Variants in SNIP1 observed in about 807,000 individuals in gnomAD.
SNIP1 encodes the protein smad nuclear-interacting protein 1.
A neutral mutation model predicts 37.4 loss-of-function variants in SNIP1; 23 were observed. The ratio of observed to expected loss-of-function variants is 0.61; its 90% CI spans 0.44 to 0.87. SNIP1 has a LOEUF of 0.87. Among genes scored for constraint, SNIP1 ranks in the 40% least tolerant of loss-of-function variants. The pLI is 0.00. For missense variants in SNIP1, 459 were observed against 540.4 expected, an observed-to-expected ratio of 0.85 and a Z score of 1.49; for synonymous variants, 174 against 200.0, an observed-to-expected ratio of 0.87 and a Z score of 1.10.
At chr1:37,543,916 G>C (rs115896843) in intron 2 of SNIP1, among the ~76,000 whole-genome samples, 1 of 151,920 alleles carries the variant, frequency 6.6e-6, no homozygotes, top group East Asian at 1.9e-4. Flanking sequence ...CAAGGGGGGG[G>C]GCAGGTCACT....
In SNIP1 at chr1:37,554,247, G is replaced by A; in HGVS notation, c.-18C>T. The A allele has an allele frequency of 6.3e-7, 1 of 1,581,684 alleles. No individual in the cohort carries two copies. Among genetic ancestry groups the A allele is most frequent in the African/African-American group, 1.3e-5 (1 of 74,534 alleles). On this transcript the variant is annotated 5_prime_UTR_variant, in exon 1 of 4. Transcript: ENST00000296215. ...GCCTTCATTCTGTGATTTTGGCTGG[G>A]CGAAAGAAAACAGATCAGTTGAGCT...
intron 2 of SNIP1, chr1:37,545,306 T>C (rs1349992217): frequency 6.7e-6 from 4 of 598,976 alleles, no homozygotes; most frequent in South Asian, 1.4e-5. Flanking sequence ...AGCTAAGCCT[T>C]AGGCTAATTT....
At chr1:37,543,734 G>A (rs1478035633) in intron 2 of SNIP1, among the ~76,000 whole-genome samples, 2 of 150,762 alleles carry the variant, frequency 1.3e-5, no homozygotes, top group African/African-American at 4.9e-5. Flanking sequence ...ATCTCCAAAG[G>A]GGGGTAAAAA....
At chr1:37,546,145 ACCCCCCC>A (rs34099617) in intron 2 of SNIP1, among the ~76,000 whole-genome samples, 1 of 124,924 alleles carries the variant, frequency 8.0e-6, no homozygotes, top group Non-Finnish European at 1.7e-5. Flanking sequence ...TGGGACTAAG[ACCCCCCC>A]CCCCCCCGCT....
rs1643065784 is a variant in SNIP1, at chr1:37,534,818, G to A, written c.*2930C>T. The A allele has an allele frequency of 6.6e-6, 1 of 152,154 alleles. No homozygotes were observed. Among genetic ancestry groups the A allele is most frequent in the Admixed American group, 6.6e-5 (1 of 15,256 alleles). 9.4% of individuals were successfully genotyped at this position (152,154 alleles called of 1,614,324 possible). Reference sequence around the variant, plus strand: ...GAGGACTTAGGGGAGGGGCTCAGAAGCAAAGGGCTGTTTTGAAAATAGTTT... The same window carrying A: ...GAGGACTTAGGGGAGGGGCTCAGAAACAAAGGGCTGTTTTGAAAATAGTTT... On this transcript the variant is annotated 3_prime_UTR_variant, in exon 4 of 4. Coordinates refer to ENST00000296215, the MANE Select transcript of SNIP1 (RefSeq NM_024700.4).
At chr1:37,539,184 T>G (rs971994733) in intron 3 of SNIP1, among the ~76,000 whole-genome samples, 3 of 152,186 alleles carry the variant, frequency 2.0e-5, no homozygotes, top group Non-Finnish European at 4.4e-5. Flanking sequence ...TATTAGAAAA[T>G]AAAGTGCACA....
rs758295598 is a variant in SNIP1, at chr1:37,534,521, G to C, written c.*3227C>G. On this transcript the variant is annotated 3_prime_UTR_variant, in exon 4 of 4. Coordinates refer to ENST00000296215, the MANE Select transcript of SNIP1 (RefSeq NM_024700.4). ...ACTTGATATAAACTCACATACCCAG[G>C]AACACTGTGGGCTCAGAACATTATT... 2.6e-5 allele frequency: 4 copies of C among 152,132 alleles called. No homozygotes were observed. Among genetic ancestry groups the C allele is most frequent in the Admixed American group, 2.0e-4 (3 of 15,258 alleles). 9.4% of individuals were successfully genotyped at this position (152,132 alleles called of 1,614,324 possible). A position where few individuals can be genotyped will look rare whatever the true frequency, so the allele number is the denominator to read the frequency against.
chr1:37,552,857 C>A, intron 1 of SNIP1, 110 bp from the exon 2 acceptor site: 1 of 852,448 alleles, frequency 1.2e-6, no homozygotes, highest in Middle Eastern at 2.2e-4. Flanking sequence ...TTGTGAAGGT[C>A]TCTGCCGGTC....
chr1:37,545,497 ACTT>A (rs1376659184), intron 2 of SNIP1, among the ~76,000 whole-genome samples: 1 of 151,582 alleles, frequency 6.6e-6, no homozygotes, highest in Non-Finnish European at 1.5e-5. Flanking sequence ...CAAAGAAAAA[ACTT>A]CTTGTTATGG....
At chr1:37,553,287 A>G (rs1643324965) in intron 1 of SNIP1, among the ~76,000 whole-genome samples, 1 of 152,202 alleles carries the variant, frequency 6.6e-6, no homozygotes, top group Non-Finnish European at 1.5e-5. Flanking sequence ...CATTCTTATC[A>G]GTCAGGTCTG....
rs758793060 is a variant in SNIP1, at chr1:37,536,457, T to C, written c.*1291A>G. The C allele has an allele frequency of 2.0e-5, 3 of 152,356 alleles. No individual in the cohort carries two copies. Among genetic ancestry groups the C allele is most frequent in the Non-Finnish European group, 2.9e-5 (2 of 68,030 alleles). The allele number at this position is 152,356 out of a possible 1,614,324, so 9.4% of individuals were successfully genotyped here. A position where few individuals can be genotyped will look rare whatever the true frequency, so the allele number is the denominator to read the frequency against. Reference sequence around the variant, plus strand: ...CTACCTACTTTTATCTCAAAAGTACTGACAGAAGGCTCCATTAGCAGCAAA... The same window carrying C: ...CTACCTACTTTTATCTCAAAAGTACCGACAGAAGGCTCCATTAGCAGCAAA... On this transcript the variant is annotated 3_prime_UTR_variant, in exon 4 of 4. Coordinates refer to ENST00000296215, the MANE Select transcript of SNIP1 (RefSeq NM_024700.4).
chr1:37,537,093 AACCAGG>A lies in SNIP1; in HGVS notation c.*649_*654del, dbSNP rs1643107572. 1 of 152,506 alleles carries A rather than the reference AACCAGG, an allele frequency of 6.6e-6. No homozygotes were observed. The highest frequency in any genetic ancestry group is 2.1e-4 in the South Asian group (1 of 4,838). The allele number at this position is 152,506 out of a possible 1,614,324, so 9.4% of individuals were successfully genotyped here. Reference sequence around the variant, plus strand: ...TGCTGAATCAGCACCCACTGGTAGCAACCAGGATCCTTCTGTACAGTCACGGGCTTG... The same window carrying A: ...TGCTGAATCAGCACCCACTGGTAGCAATCCTTCTGTACAGTCACGGGCTTG... On this transcript the variant is annotated 3_prime_UTR_variant, in exon 4 of 4. Coordinates refer to ENST00000296215, the MANE Select transcript of SNIP1 (RefSeq NM_024700.4).
At chr1:37,552,844 C>T (rs1643316731) in intron 1 of SNIP1, 97 bp from the exon 2 acceptor site, 8 of 958,536 alleles carry the variant, frequency 8.3e-6, no homozygotes, top group Non-Finnish European at 5.1e-6. Context: ...ACAAACACCG[C>T]ATTTGTGAAG....
chr1:37,553,047 G>C (rs1045033279), intron 1 of SNIP1, among the ~76,000 whole-genome samples: 1 of 151,920 alleles, frequency 6.6e-6, no homozygotes, highest in Non-Finnish European at 1.5e-5. Flanking sequence ...ATCACCATCC[G>C]TAAGTCACCC....
rs1220423947 is a variant in SNIP1 at position 37,536,258 on chromosome 1, G to GGT, written c.*1489_*1490insAC. ...AGCACACATGGGTATAAAAACAATG[G>GGT]AAAACAATCAAATTTAATAGTATCC... On this transcript the variant is annotated 3_prime_UTR_variant, in exon 4 of 4. Coordinates refer to ENST00000296215, the MANE Select transcript of SNIP1 (RefSeq NM_024700.4). 1.3e-5 allele frequency: 2 copies of GGT among 152,166 alleles called. No individual in the cohort carries two copies. Among genetic ancestry groups the GGT allele is most frequent in the African/African-American group, 4.8e-5 (2 of 41,456 alleles). 9.4% of individuals were successfully genotyped at this position (152,166 alleles called of 1,614,324 possible). A position where few individuals can be genotyped will look rare whatever the true frequency, so the allele number is the denominator to read the frequency against.
Position 37,540,802 on chromosome 1 carries a change from A to T in SNIP1, c.328-47T>A. On this transcript the variant is annotated intron_variant, in intron 2 of 3. Coordinates refer to ENST00000296215, the MANE Select transcript of SNIP1 (RefSeq NM_024700.4). The surrounding 1 kb of genome is among the most constrained non-coding windows in gnomAD (Gnocchi z 5.6). ...TAATTTAAACGCAGTGCACAATCTA[A>T]AGGCAGCCCAAATCTTGTTCTTTTT... The T allele has an allele frequency of 3.4e-6, 5 of 1,492,520 alleles. No homozygotes were observed. Among genetic ancestry groups the T allele is most frequent in the Non-Finnish European group, 4.5e-6 (5 of 1,119,002 alleles). The allele number at this position is 1,492,520 out of a possible 1,614,324, so 92.5% of individuals were successfully genotyped here. A position where few individuals can be genotyped will look rare whatever the true frequency, so the allele number is the denominator to read the frequency against.
chr1:37,538,046 C>T (rs757511538), intron 3 of SNIP1, 34 bp from the exon 4 acceptor site: 3 of 1,553,088 alleles, frequency 1.9e-6, no homozygotes, highest in African/African-American at 2.8e-5. Flanking sequence ...TGTGAGCAAA[C>T]TTCTGCCTCA....
rs747807844 is a variant in SNIP1 at position 37,554,096 on chromosome 1, C to A, written c.134G>T (p.Arg45Leu). ...CGGGCTACCACCGGAGTGGTCCGGA[C>A]GGCGGTGGGCGGGAGGTGCGACTTC... is the stretch of plus-strand genomic sequence containing the variant. ...SPEVAPPAHR[R>L]PDHSGGSPSP... Residue 45 changes from arginine (R) to leucine (L), a missense_variant, in exon 1 of 4, where the codon CGT becomes CTT. Arg to Leu is a moderately radical substitution (Grantham distance 102). Transcript: ENST00000296215. 3 of 1,610,324 alleles carry A rather than the reference C, an allele frequency of 1.9e-6. No individual in the cohort carries two copies. Among genetic ancestry groups the A allele is most frequent in the African/African-American group, 2.7e-5 (2 of 74,844 alleles).
chr1:37,537,529 C>G lies in SNIP1; in HGVS notation c.*219G>C, dbSNP rs1279647591. The G allele has an allele frequency of 1.9e-6, 1 of 522,252 alleles. No homozygotes were observed. The highest frequency in any genetic ancestry group is 3.1e-5 in the East Asian group (1 of 32,284). The allele number at this position is 522,252 out of a possible 1,614,324, so 32.4% of individuals were successfully genotyped here. ...AGACTGTTCTGAAAACAAATGCCTG[C>G]AGGCATGTGGCCAAGGTGCCACAGA... is the stretch of plus-strand genomic sequence containing the variant. On this transcript the variant is annotated 3_prime_UTR_variant, in exon 4 of 4. Transcript: ENST00000296215.
Sources: gnomAD v4.1 joint callset for allele counts (sites outside exome capture counted in the v4.1 genomes callset) on GRCh38, gnomAD v4.1.1 for gene constraint, Gnocchi (gnomAD v3.1) non-coding constraint, MANE v1.5 for transcripts, NCBI Gene and HGNC (gene_info 2026-07-23, HGNC 2026-07-21) for gene names.